Variants in SVOP observed in about 807,000 individuals in gnomAD.
SVOP encodes the protein synaptic vesicle 2-related protein.
In SVOP, 17 loss-of-function variants were observed where a neutral mutation model predicts 69.1. The ratio of observed to expected loss-of-function variants is 0.25; its 90% CI spans 0.17 to 0.37. The LOEUF (loss-of-function observed/expected upper bound fraction) is 0.37, where lower values mean the gene tolerates loss of function less well. Among genes scored for constraint, SVOP ranks in the 10% least tolerant of loss-of-function variants. The probability of loss-of-function intolerance (pLI) is 1.00; values close to 1 mark genes in which losing one functional copy is unlikely to be tolerated. For missense variants in SVOP, 435 were observed against 597.5 expected, an observed-to-expected ratio of 0.73 and a Z score of 2.84; for synonymous variants, 238 against 238.6, an observed-to-expected ratio of 1.00 and a Z score of 0.02.
chr12:108,988,893 C>T (rs1380002625), intron 1 of SVOP, among the ~76,000 whole-genome samples: 1 of 151,520 alleles, frequency 6.6e-6, no homozygotes, highest in African/African-American at 2.4e-5. Context: ...CTCCCTCAGC[C>T]TCCTGAGTAG....
At chr12:108,919,621 C>T in intron 13 of SVOP, 54 bp downstream of exon 13, 1 of 1,436,928 alleles carries the variant, frequency 7.0e-7, no homozygotes, top group Non-Finnish European at 9.6e-7. Context: ...CCCACACCTG[C>T]ACCCACACCT....
At chr12:108,936,682 C>T (rs984271841) in intron 10 of SVOP, among the ~76,000 whole-genome samples, 2 of 152,100 alleles carry the variant, frequency 1.3e-5, no homozygotes, top group Non-Finnish European at 2.9e-5. Context: ...TACCGTGTTG[C>T]CCAGCCTGGT....
At chr12:108,937,704 T>C (rs2039864641) in intron 9 of SVOP, among the ~76,000 whole-genome samples, 1 of 152,176 alleles carries the variant, frequency 6.6e-6, no homozygotes, top group South Asian at 2.1e-4. Context: ...CACATGTGCC[T>C]TCCCCAGTTC....
chr12:109,018,614 C>T (rs1368406499), intron 1 of SVOP, among the ~76,000 whole-genome samples: 1 of 152,038 alleles, frequency 6.6e-6, no homozygotes, highest in East Asian at 1.9e-4. Flanking sequence ...ACATCTAAAT[C>T]GTGATTTGTA....
At chr12:108,944,179 CTTTT>C (rs36133433) in intron 7 of SVOP, among the ~76,000 whole-genome samples, 1 of 143,348 alleles carries the variant, frequency 7.0e-6, no homozygotes, top group Non-Finnish European at 1.5e-5. Flanking sequence ...TGCGCCTGGC[CTTTT>C]TTTTTTTTTT....
chr12:108,919,688 T>C lies in SVOP; in HGVS notation c.1255A>G (p.Ile419Val). 6.2e-7 allele frequency: 1 copy of C among 1,603,880 alleles called. No individual in the cohort carries two copies. The highest frequency in any genetic ancestry group is 8.5e-7 in the Non-Finnish European group (1 of 1,175,166). ...CAGATCACCTACCTTCCAACACAGATAAACAGCAGGAGGCTGCAGAAGGAG... is the reference window on the plus strand; with the variant it reads ...CAGATCACCTACCTTCCAACACAGACAAACAGCAGGAGGCTGCAGAAGGAG... ...IFSFCSLLLF[I>V]CVGRNVLTLL... is the part of the protein sequence containing the mutation. Residue 419 changes from isoleucine to valine, a missense_variant, in exon 13 of 16, where the codon ATC (isoleucine) becomes GTC (valine). Coordinates refer to ENST00000610966, the MANE Select transcript of SVOP (RefSeq NM_018711.5).
At chr12:108,931,794 A>G (rs573139481) in intron 11 of SVOP, among the ~76,000 whole-genome samples, 10 of 149,580 alleles carry the variant, frequency 6.7e-5, no homozygotes, top group African/African-American at 2.5e-4. Context: ...AGATTGCGCC[A>G]CTGCACTCCA....
At chr12:108,965,456 T>G in intron 5 of SVOP, among the ~76,000 whole-genome samples, 1 of 152,176 alleles carries the variant, frequency 6.6e-6, no homozygotes. Flanking sequence ...ACAGGGAACT[T>G]TCCCTGTCGT....
intron 3 of SVOP, among the ~76,000 whole-genome samples, chr12:108,978,251 A>G (rs546119858): frequency 6.6e-6 from 1 of 152,328 alleles, no homozygotes; most frequent in South Asian, 2.1e-4. Context: ...CAGAAGGCAC[A>G]TTTCTAATCT....
intron 3 of SVOP, among the ~76,000 whole-genome samples, chr12:108,978,178 G>T (rs1488413285): frequency 2.0e-5 from 3 of 152,180 alleles, no homozygotes; most frequent in African/African-American, 4.8e-5. Flanking sequence ...GTATATTAAA[G>T]GTTTGGCTGT....
chr12:109,003,145 C>T (rs2040283245), intron 1 of SVOP, among the ~76,000 whole-genome samples: 1 of 152,032 alleles, frequency 6.6e-6, no homozygotes, highest in African/African-American at 2.4e-5. Context: ...AGGAGTTATG[C>T]TTAGACAATC....
chr12:108,920,592 A>ATTT (rs1468870805), intron 12 of SVOP, among the ~76,000 whole-genome samples: 2 of 121,178 alleles, frequency 1.7e-5, no homozygotes, highest in Non-Finnish European at 3.5e-5. Flanking sequence ...GCATTTTTAC[A>ATTT]TCTTTTTTTT....
intron 1 of SVOP, among the ~76,000 whole-genome samples, chr12:108,995,637 G>C (rs1409132591): frequency 6.6e-6 from 1 of 152,104 alleles, no homozygotes; most frequent in African/African-American, 2.4e-5. Context: ...AATGGTTTAT[G>C]GTCCTATAAT....
chr12:108,924,708 A>C (rs796578131), intron 11 of SVOP, among the ~76,000 whole-genome samples: 8 of 152,350 alleles, frequency 5.3e-5, no homozygotes, highest in African/African-American at 1.7e-4. Context: ...ATAAACAGGA[A>C]GGTAAAAATA....
chr12:108,934,538 AG>A (rs1365584374), intron 10 of SVOP, among the ~76,000 whole-genome samples: 2 of 152,204 alleles, frequency 1.3e-5, no homozygotes, highest in Admixed American at 1.3e-4. Context: ...CATCTTGAAT[AG>A]GGGTTGGGTA....
chr12:108,928,904 C>A (rs2039799087), intron 11 of SVOP, among the ~76,000 whole-genome samples: 1 of 152,146 alleles, frequency 6.6e-6, no homozygotes, highest in South Asian at 2.1e-4. Flanking sequence ...TCATAAAACC[C>A]TCAGGTGAGA....
chr12:108,941,963 C>A (rs1019379329), intron 7 of SVOP, among the ~76,000 whole-genome samples: 2 of 152,176 alleles, frequency 1.3e-5, no homozygotes, highest in African/African-American at 2.4e-5. Flanking sequence ...CCACGCCCGG[C>A]AAGAAATTCT....
intron 2 of SVOP, among the ~76,000 whole-genome samples, chr12:108,979,082 T>G (rs1318507162): frequency 1.9e-5 from 2 of 103,992 alleles, no homozygotes; most frequent in African/African-American, 6.3e-5. Context: ...AATGTACGCA[T>G]GTGGGTGTAC....
At chr12:108,958,827 G>A (rs2040000410) in intron 6 of SVOP, among the ~76,000 whole-genome samples, 2 of 152,008 alleles carry the variant, frequency 1.3e-5, no homozygotes, top group African/African-American at 4.8e-5. Context: ...GGGTAAAAAG[G>A]CCTAGCCCCC....
Sources: gnomAD v4.1 joint callset for allele counts (sites outside exome capture counted in the v4.1 genomes callset) on GRCh38, gnomAD v4.1.1 for gene constraint, MANE v1.5 for transcripts, NCBI Gene and HGNC (gene_info 2026-07-23, HGNC 2026-07-21) for gene names.